Variants in GRM7 observed in about 807,000 individuals in gnomAD.
The protein encoded by GRM7 is metabotropic glutamate receptor 7.
Under a neutral mutation model 84.5 loss-of-function variants are expected in GRM7, and 35 were observed. The observed-to-expected ratio is 0.41, with a 90% CI of 0.32 to 0.55. The LOEUF (loss-of-function observed/expected upper bound fraction) is 0.55, where lower values mean the gene tolerates loss of function less well. Among genes scored for constraint, GRM7 ranks in the 20% least tolerant of loss-of-function variants. The pLI, the probability that GRM7 is intolerant of heterozygous loss-of-function variation, is 0.19. For synonymous variants in GRM7, 487 were observed against 455.1 expected (o/e 1.07, Z -0.89); for missense variants, 1,003 against 1,194.6 (o/e 0.84, Z 2.36).
intron 7 of GRM7, among the ~76,000 whole-genome samples, chr3:7,507,508 T>G (rs1364870658): frequency 6.6e-6 from 1 of 152,224 alleles, no homozygotes; most frequent in Admixed American, 6.5e-5. Context: ...AAGAAACTAT[T>G]TTGGTTCTGA....
At chr3:7,582,791 T>C (rs1695324113) in intron 8 of GRM7, among the ~76,000 whole-genome samples, 1 of 152,160 alleles carries the variant, frequency 6.6e-6, no homozygotes, top group Non-Finnish European at 1.5e-5. Context: ...CTTCAAATTG[T>C]GTTCATGGTC....
intron 4 of GRM7, among the ~76,000 whole-genome samples, chr3:7,335,500 C>A (rs1465935656): frequency 1.3e-5 from 2 of 151,726 alleles, no homozygotes; most frequent in African/African-American, 4.8e-5. Context: ...CCTCAAGGAA[C>A]TAGAGAAACA....
chr3:7,492,254 C>A (rs1699546908), intron 7 of GRM7, among the ~76,000 whole-genome samples: 1 of 152,116 alleles, frequency 6.6e-6, no homozygotes, highest in Non-Finnish European at 1.5e-5. Context: ...TCCCTGTCTT[C>A]CACTTTCTAA....
intron 4 of GRM7, among the ~76,000 whole-genome samples, chr3:7,329,351 C>T (rs1701108904): frequency 6.6e-6 from 1 of 152,182 alleles, no homozygotes; most frequent in South Asian, 2.1e-4. Flanking sequence ...AATTGGTTCA[C>T]CCTTCCACCC....
intron 7 of GRM7, among the ~76,000 whole-genome samples, chr3:7,495,398 G>T (rs776071995): frequency 3.9e-5 from 6 of 152,084 alleles, no homozygotes; most frequent in Non-Finnish European, 7.4e-5. Context: ...GTTAAAAGAG[G>T]CTCAGGGACA....
chr3:7,634,772 C>T (rs146342233), intron 8 of GRM7, among the ~76,000 whole-genome samples: 3,061 of 145,296 alleles, frequency 0.021, 93 homozygotes, highest in African/African-American at 0.07. Context: ...CCAGCCTGGG[C>T]GACAGAGTGA....
chr3:7,018,802 A>C (rs1188019527), intron 1 of GRM7, among the ~76,000 whole-genome samples: 1 of 152,244 alleles, frequency 6.6e-6, no homozygotes, highest in African/African-American at 2.4e-5. Flanking sequence ...TTGCTTAAAA[A>C]GTAAGTTTTG....
chr3:6,916,116 T>A (rs1042449767), intron 1 of GRM7, among the ~76,000 whole-genome samples: 1 of 152,170 alleles, frequency 6.6e-6, no homozygotes, highest in Non-Finnish European at 1.5e-5. Context: ...CAAAGTCCTG[T>A]TTTTGTGCAT....
chr3:7,630,454 A>G (rs1322813237), intron 8 of GRM7, among the ~76,000 whole-genome samples: 2 of 151,958 alleles, frequency 1.3e-5, no homozygotes, highest in African/African-American at 4.8e-5. Context: ...GTTGAGCTCA[A>G]CCCCTAAGTT....
intron 7 of GRM7, among the ~76,000 whole-genome samples, chr3:7,553,747 A>T (rs1329341991): frequency 1.3e-5 from 2 of 152,158 alleles, no homozygotes; most frequent in Non-Finnish European, 2.9e-5. Flanking sequence ...TCACCCTCTG[A>T]TTCATTTACC....
intron 4 of GRM7, among the ~76,000 whole-genome samples, chr3:7,336,872 A>C (rs920521991): frequency 1.3e-5 from 2 of 151,984 alleles, no homozygotes; most frequent in African/African-American, 4.8e-5. Context: ...AAACTACAAA[A>C]CACTGCTGAA....
intron 2 of GRM7, among the ~76,000 whole-genome samples, chr3:7,223,445 A>G (rs1696876865): frequency 6.6e-6 from 1 of 151,972 alleles, no homozygotes; most frequent in South Asian, 2.1e-4. Context: ...TTCTCATTTT[A>G]TACCTGTATT....
intron 2 of GRM7, among the ~76,000 whole-genome samples, chr3:7,166,546 C>T (rs190428802): frequency 3.5e-4 from 54 of 152,282 alleles, no homozygotes; most frequent in Admixed American, 1.7e-3. Context: ...ATTTTGGTGT[C>T]ATATAGACTG....
At chr3:7,331,632 G>A (rs1474080535) in intron 4 of GRM7, among the ~76,000 whole-genome samples, 1 of 152,134 alleles carries the variant, frequency 6.6e-6, no homozygotes, top group Non-Finnish European at 1.5e-5. Context: ...GGACATGCAG[G>A]CCTCATTATT....
intron 4 of GRM7, among the ~76,000 whole-genome samples, chr3:7,333,215 A>G (rs1343779466): frequency 6.6e-6 from 1 of 152,186 alleles, no homozygotes; most frequent in African/African-American, 2.4e-5. Flanking sequence ...TGCACTAAGC[A>G]AAACTACACC....
At chr3:7,371,818 A>G (rs1694148925) in intron 4 of GRM7, among the ~76,000 whole-genome samples, 1 of 152,160 alleles carries the variant, frequency 6.6e-6, no homozygotes, top group Admixed American at 6.6e-5. Flanking sequence ...ATCCAACTGT[A>G]AAAAGGGAAT....
At chr3:7,162,510 T>C (rs912305891) in intron 2 of GRM7, among the ~76,000 whole-genome samples, 2 of 152,066 alleles carry the variant, frequency 1.3e-5, no homozygotes, top group African/African-American at 4.8e-5. Context: ...CTTTGAAAGA[T>C]AATTTTAGGT....
Position 6,861,450 on chromosome 3 carries a change from T to G in GRM7, c.62T>G (p.Leu21Arg). Residue 21 changes from leucine to arginine, a missense_variant, in exon 1 of 10, where the codon CTG (leucine) becomes CGG (arginine). Around this residue, in one of 2 missense-constraint regions of GRM7, gnomAD observed 93 missense variants for 68.6 expected, o/e 1.36. Transcript: ENST00000357716. This position sits in a 1 kb window ranked among gnomAD's most constrained non-coding sequence, Gnocchi z 6.4. Reference sequence around the variant, plus strand: ...TTGATGAAGTTCCCCTGCTGCGTGCTGGAGGTGCTCCTGTGCGCGCTGGCG... The same window carrying G: ...TTGATGAAGTTCCCCTGCTGCGTGCGGGAGGTGCTCCTGTGCGCGCTGGCG... ...LTLMKFPCCV[L>R]EVLLCALAAA... 6.4e-7 allele frequency: 1 copy of G among 1,560,178 alleles called. No individual in the cohort carries two copies. Among genetic ancestry groups the G allele is most frequent in the Non-Finnish European group, 8.7e-7 (1 of 1,151,004 alleles).
At chr3:7,547,148 C>G (rs113665470) in intron 7 of GRM7, among the ~76,000 whole-genome samples, 1 of 151,134 alleles carries the variant, frequency 6.6e-6, no homozygotes. Context: ...CATGAGAAAG[C>G]CCCGGCACAG....
Sources: allele counts gnomAD v4.1 joint callset (sites outside exome capture counted in the v4.1 genomes callset), GRCh38; gene constraint gnomAD v4.1.1; regional missense constraint gnomAD v4.1.1; non-coding constraint Gnocchi (gnomAD v3.1); transcripts MANE v1.5; gene names NCBI Gene and HGNC (gene_info 2026-07-23, HGNC 2026-07-21).